Variants in PHYHIPL observed in about 807,000 individuals in gnomAD.
PHYHIPL encodes phytanoyl-CoA hydroxylase-interacting protein-like.
In PHYHIPL, 9 loss-of-function variants were observed where a neutral mutation model predicts 33.4. The observed-to-expected ratio is 0.27, with a 90% CI of 0.16 to 0.47. PHYHIPL has a LOEUF of 0.47. PHYHIPL is among the 20% of genes least tolerant of loss of function. The pLI is 0.99. For synonymous variants in PHYHIPL, 153 were observed against 154.1 expected, an observed-to-expected ratio of 0.99 and a Z score of 0.05; for missense variants, 365 against 460.7, an observed-to-expected ratio of 0.79 and a Z score of 1.90.
At chr10:59,232,575 A>G (rs1223349200) in intron 1 of PHYHIPL, among the ~76,000 whole-genome samples, 1 of 152,006 alleles carries the variant, frequency 6.6e-6, no homozygotes, top group Admixed American at 6.6e-5. Context: ...TGCAAAAAAT[A>G]TTAATAGTAT....
intron 1 of PHYHIPL, among the ~76,000 whole-genome samples, chr10:59,181,958 A>C (rs1272029467): frequency 6.6e-6 from 1 of 152,198 alleles, no homozygotes; most frequent in Non-Finnish European, 1.5e-5. Context: ...CTCTCTATAG[A>C]ATGCTATTTA....
At chr10:59,219,810 C>G (rs1349617317) in intron 1 of PHYHIPL, among the ~76,000 whole-genome samples, 1 of 152,070 alleles carries the variant, frequency 6.6e-6, no homozygotes, top group Non-Finnish European at 1.5e-5. Flanking sequence ...GGTTTAGAAT[C>G]ATGTAGTAAT....
intron 1 of PHYHIPL, among the ~76,000 whole-genome samples, chr10:59,203,382 A>G (rs945110794): frequency 6.6e-6 from 1 of 152,228 alleles, no homozygotes; most frequent in Non-Finnish European, 1.5e-5. Context: ...ATCTAGAACT[A>G]GAAATACCAT....
intron 1 of PHYHIPL, chr10:59,177,495 G>A: frequency 1.3e-6 from 2 of 1,549,660 alleles, no homozygotes; most frequent in Non-Finnish European, 8.7e-7. Flanking sequence ...TTTCAGTGAG[G>A]GCGCAGAAAA....
chr10:59,189,832 G>T (rs961495225), intron 1 of PHYHIPL, among the ~76,000 whole-genome samples: 2 of 151,870 alleles, frequency 1.3e-5, no homozygotes, highest in Non-Finnish European at 2.9e-5. Context: ...TAGGAGAGGG[G>T]TATTTCTGGC....
At chr10:59,204,751 AT>A (rs1839237648) in intron 1 of PHYHIPL, among the ~76,000 whole-genome samples, 1 of 150,950 alleles carries the variant, frequency 6.6e-6, no homozygotes, top group Non-Finnish European at 1.5e-5. Flanking sequence ...ATATCTTTAT[AT>A]TTTTATGCTT....
chr10:59,220,159 A>C (rs1839727039), intron 1 of PHYHIPL, among the ~76,000 whole-genome samples: 1 of 152,130 alleles, frequency 6.6e-6, no homozygotes, highest in Non-Finnish European at 1.5e-5. Context: ...ATAAAATGAT[A>C]AAAAGATAGG....
At chr10:59,238,918 A>C (rs1341914728) in intron 4 of PHYHIPL, 6 of 468,240 alleles carry the variant, frequency 1.3e-5, no homozygotes, top group Non-Finnish European at 2.3e-5. Context: ...ATCATTTGTG[A>C]TACCAGTTCC....
chr10:59,178,013 A>G lies in PHYHIPL; in HGVS notation c.106+1054A>G, dbSNP rs117169145. On this transcript the variant is annotated intron_variant, in intron 1 of 4. Coordinates refer to ENST00000373880, the MANE Select transcript of PHYHIPL (RefSeq NM_032439.4). ...TCTTTAACCAAAGTTATGTACAGAT[A>G]CTAATACGCTCACAGTAAGGTCATA... Among the ~76,000 whole-genome samples the G allele has an allele frequency of 9.5e-3, 1,451 of 152,298 alleles. 5 individuals are homozygous for G. Among genetic ancestry groups the G allele is most frequent in the Admixed American group, 0.021 (315 of 15,300 alleles).
At chr10:59,186,437 T>C (rs558233154) in intron 1 of PHYHIPL, among the ~76,000 whole-genome samples, 1 of 152,322 alleles carries the variant, frequency 6.6e-6, no homozygotes, top group East Asian at 1.9e-4. Context: ...TAGGATTGTC[T>C]CGGCAATGTG....
At chr10:59,242,228 A>G (rs1679009575) in intron 4 of PHYHIPL, among the ~76,000 whole-genome samples, 1 of 152,092 alleles carries the variant, frequency 6.6e-6, no homozygotes, top group Non-Finnish European at 1.5e-5. Context: ...TCAAGTACTA[A>G]TGAGACACCC....
chr10:59,247,750 AAT>A lies in PHYHIPL; in HGVS notation c.*2161_*2162del, dbSNP rs1564468001. 6.2e-7 allele frequency: 1 copy of A among 1,606,090 alleles called. No homozygotes were observed. Among genetic ancestry groups the A allele is most frequent in the Non-Finnish European group, 8.5e-7 (1 of 1,176,298 alleles). The stretch of plus-strand genomic sequence containing the variant: ...CTTTTGTGGACTTCTGCAAAACAAA[AAT>A]ACATTTGTTAGTTCACAATGAATCA... On this transcript the variant is annotated 3_prime_UTR_variant, in exon 5 of 5. Coordinates refer to ENST00000373880, the MANE Select transcript of PHYHIPL (RefSeq NM_032439.4).
chr10:59,247,156 A>G lies in PHYHIPL; in HGVS notation c.*1565A>G, dbSNP rs1359801852. 12 of 157,510 alleles carry G rather than the reference A, an allele frequency of 7.6e-5. No individual in the cohort carries two copies. Among genetic ancestry groups the G allele is most frequent in the Non-Finnish European group, 1.5e-4 (11 of 71,886 alleles). 9.8% of individuals were successfully genotyped at this position (157,510 alleles called of 1,614,324 possible). A position where few individuals can be genotyped will look rare whatever the true frequency, so the allele number is the denominator to read the frequency against. On this transcript the variant is annotated 3_prime_UTR_variant, in exon 5 of 5. Coordinates refer to ENST00000373880, the MANE Select transcript of PHYHIPL (RefSeq NM_032439.4). ...AAAATCCATTAGAAGTTTCAAATAA[A>G]TTGCTTTCTTGCTAGCTGTATTCCT...
chr10:59,241,722 A>C (rs1840403110), intron 4 of PHYHIPL, among the ~76,000 whole-genome samples: 1 of 152,186 alleles, frequency 6.6e-6, no homozygotes, highest in Non-Finnish European at 1.5e-5. Context: ...CAAGGGCGAG[A>C]AATTTTGAAC....
chr10:59,197,877 C>A (rs969273266), intron 1 of PHYHIPL, among the ~76,000 whole-genome samples: 2 of 152,014 alleles, frequency 1.3e-5, no homozygotes, highest in Non-Finnish European at 2.9e-5. Context: ...TTTATTTTAA[C>A]CTAGGTCAAA....
intron 1 of PHYHIPL, among the ~76,000 whole-genome samples, chr10:59,210,116 A>G (rs1839401394): frequency 1.3e-5 from 2 of 152,324 alleles, no homozygotes; most frequent in South Asian, 4.1e-4. Flanking sequence ...GCACAGCAAA[A>G]GAAACTATCA....
intron 1 of PHYHIPL, among the ~76,000 whole-genome samples, chr10:59,196,147 G>T (rs1838908262): frequency 6.6e-6 from 1 of 151,962 alleles, no homozygotes; most frequent in South Asian, 2.1e-4. Context: ...TTAAAACAAA[G>T]TATCTAAATA....
chr10:59,226,581 G>A (rs1455383136), intron 1 of PHYHIPL, among the ~76,000 whole-genome samples: 4 of 152,088 alleles, frequency 2.6e-5, no homozygotes, highest in South Asian at 2.1e-4. Flanking sequence ...ACCCTACCCC[G>A]CTTTAAGAAA....
chr10:59,238,826 A>G, intron 4 of PHYHIPL, 121 bp downstream of exon 4: 1 of 586,026 alleles, frequency 1.7e-6, no homozygotes, highest in Non-Finnish European at 3.0e-6. Flanking sequence ...CAAAATAACG[A>G]TATGGAATTT....
Sources: gnomAD v4.1 joint callset for allele counts (sites outside exome capture counted in the v4.1 genomes callset) on GRCh38, gnomAD v4.1.1 for gene constraint, MANE v1.5 for transcripts, NCBI Gene and HGNC (gene_info 2026-07-23, HGNC 2026-07-21) for gene names.